Variants in HIVEP1 observed in about 807,000 individuals in gnomAD.
The protein encoded by HIVEP1 is zinc finger protein 40.
HIVEP1 carries 36 observed loss-of-function variants against 180.0 expected under a neutral mutation model. The observed-to-expected ratio is 0.20, with a 90% CI of 0.15 to 0.26. The LOEUF is 0.26. Among genes scored for constraint, HIVEP1 ranks in the 10% least tolerant of loss-of-function variants. The pLI is 1.00. For synonymous variants in HIVEP1, 1,239 were observed against 1,239.0 expected (o/e 1.00, Z 0.00); for missense variants, 3,143 against 3,268.7 (o/e 0.96, Z 0.94).
intron 2 of HIVEP1, among the ~76,000 whole-genome samples, chr6:12,081,956 C>A (rs1450882499): frequency 6.6e-6 from 1 of 152,174 alleles, no homozygotes; most frequent in Non-Finnish European, 1.5e-5. Context: ...TCATAGGAAG[C>A]TTTTTCAGTC....
At chr6:12,052,829 A>T (rs1581586769) in intron 2 of HIVEP1, among the ~76,000 whole-genome samples, 1 of 152,226 alleles carries the variant, frequency 6.6e-6, no homozygotes, top group East Asian at 1.9e-4. Flanking sequence ...AAGACTAGGT[A>T]ACCATCTGTA....
chr6:12,207,971 T>C, the HIVEP1 span, among the ~76,000 whole-genome samples: 11 of 151,620 alleles, frequency 7.3e-5, no homozygotes, highest in Non-Finnish European at 1.5e-4. Context: ...TGCTTTGAAT[T>C]CAGCTGTGTC....
downstream of HIVEP1, among the ~76,000 whole-genome samples, chr6:12,167,693 AT>A (rs1760759149): frequency 1.5e-5 from 1 of 67,832 alleles, no homozygotes; most frequent in Non-Finnish European, 3.4e-5. Flanking sequence ...TATAATATAT[AT>A]ACATATATAC....
the HIVEP1 span, among the ~76,000 whole-genome samples, chr6:12,205,240 G>A: frequency 6.6e-6 from 1 of 152,200 alleles, no homozygotes; most frequent in Admixed American, 6.5e-5. Flanking sequence ...GGGAGGCCAA[G>A]GCGGGTGGAT....
chr6:12,123,475 TC>T lies in HIVEP1; in HGVS notation c.3682del (p.Arg1228GlyfsTer62), dbSNP rs760774029. 6.2e-7 allele frequency: 1 copy of T among 1,614,088 alleles called. No homozygotes were observed. On this transcript the variant is annotated frameshift_variant, in exon 4 of 9. Transcript: ENST00000379388. LOFTEE classifies it high-confidence loss of function. ...GTGTTAGGACAGCCCTCAAGACTTG[TC>T]CGGCAGCACAACATCCAAGTTCCAG... The part of the protein sequence containing the change: ...RHVLGQPSRL[V>X]RQHNIQVPEI...
chr6:12,161,926 A>C lies in HIVEP1; in HGVS notation c.6975A>C (p.Thr2325=). Residue 2325 remains threonine (T), a synonymous_variant, in exon 8 of 9, where the codon ACA becomes ACC. Coordinates refer to ENST00000379388, the MANE Select transcript of HIVEP1 (RefSeq NM_002114.4). ...SSMAGKAVAI[T]QSPSSVRLPP... Reference sequence around the variant, plus strand: ...TGGCAGGAAAAGCTGTTGCTATAACACAGGTAAATGATTGGCAGTTGTTCT... The same window carrying C: ...TGGCAGGAAAAGCTGTTGCTATAACCCAGGTAAATGATTGGCAGTTGTTCT... 1 of 1,603,850 alleles carries C rather than the reference A, an allele frequency of 6.2e-7. No individual in the cohort carries two copies. Among genetic ancestry groups the C allele is most frequent in the Non-Finnish European group, 8.5e-7 (1 of 1,173,312 alleles).
At chr6:12,068,027 G>T (rs1225941654) in intron 2 of HIVEP1, among the ~76,000 whole-genome samples, 2 of 152,050 alleles carry the variant, frequency 1.3e-5, no homozygotes, top group African/African-American at 4.8e-5. Flanking sequence ...TGGTGAGGGG[G>T]CTGTGCTTTA....
intron 2 of HIVEP1, among the ~76,000 whole-genome samples, chr6:12,032,918 T>G (rs1367888331): frequency 6.6e-6 from 1 of 152,258 alleles, no homozygotes; most frequent in African/African-American, 2.4e-5. Context: ...ATCCAAAATT[T>G]CCCAACATTT....
chr6:12,057,272 C>T (rs1309634210), intron 2 of HIVEP1, among the ~76,000 whole-genome samples: 1 of 151,998 alleles, frequency 6.6e-6, no homozygotes, highest in Admixed American at 6.6e-5. Context: ...AAAAGTATTG[C>T]CTGTATTTTT....
upstream of HIVEP1, among the ~76,000 whole-genome samples, chr6:12,011,124 A>T (rs1767256170): frequency 6.6e-6 from 1 of 152,208 alleles, no homozygotes; most frequent in Non-Finnish European, 1.5e-5. Context: ...GTTTCAGTTC[A>T]GGGTTAACAT....
At chr6:12,117,064 A>G (rs1272904405) in intron 3 of HIVEP1, among the ~76,000 whole-genome samples, 1 of 152,212 alleles carries the variant, frequency 6.6e-6, no homozygotes, top group African/African-American at 2.4e-5. Context: ...CATAAGAGAA[A>G]AGCTTTAGAA....
At chr6:12,094,841 G>T (rs1051207072) in intron 3 of HIVEP1, among the ~76,000 whole-genome samples, 4 of 152,010 alleles carry the variant, frequency 2.6e-5, no homozygotes, top group Non-Finnish European at 5.9e-5. Context: ...CCATGGAGCT[G>T]TTTGTTTGAT....
At chr6:12,140,485 G>A (rs9369106) in intron 7 of HIVEP1, among the ~76,000 whole-genome samples, 11,683 of 152,196 alleles carry the variant, frequency 0.077, 539 homozygotes, top group Middle Eastern at 0.15. Context: ...GCAGCTCCTC[G>A]CCAGCAATGG....
rs1469730987 is a variant in HIVEP1 at position 12,124,213 on chromosome 6, C to G, written c.4418C>G (p.Ser1473Cys). The change falls in exon 4 of 9, where the codon TCT (serine) becomes TGT (cysteine). Residue 1473 changes from serine (S) to cysteine (C), a missense_variant. Physicochemically the swap from Ser to Cys is moderately radical, Grantham distance 112. This residue lies in a region of HIVEP1 where 1,357 missense variants were observed against 1,260.5 expected (regional missense o/e 1.08). Transcript: ENST00000379388. ...PYQGPQLTST[S>C]LAEFSANTLH... ...CAGGGGCCTCAGCTCACTAGTACATCTTTAGCTGAGTTTTCTGCAAATACT... is the reference window on the plus strand; with the variant it reads ...CAGGGGCCTCAGCTCACTAGTACATGTTTAGCTGAGTTTTCTGCAAATACT... 6.2e-7 allele frequency: 1 copy of G among 1,613,982 alleles called. No homozygotes were observed. Among genetic ancestry groups the G allele is most frequent in the Admixed American group, 1.7e-5 (1 of 60,028 alleles).
intron 2 of HIVEP1, among the ~76,000 whole-genome samples, chr6:12,049,614 G>A (rs1211369472): frequency 6.6e-6 from 1 of 152,158 alleles, no homozygotes; most frequent in African/African-American, 2.4e-5. Flanking sequence ...AATCAAAGAA[G>A]GTATTTTTCT....
Position 12,122,841 on chromosome 6 carries a change from G to A in HIVEP1, c.3046G>A (p.Ala1016Thr), listed in dbSNP as rs369544097. ...GCCTCAGATTCTACACTACAGAGTCGCTGGGTCCTCCGGCATCTGGGAACA... is the reference window on the plus strand; with the variant it reads ...GCCTCAGATTCTACACTACAGAGTCACTGGGTCCTCCGGCATCTGGGAACA... Reference protein sequence around the residue: ...LQPQILHYRVAGSSGIWEQTP... With the variant: ...LQPQILHYRVTGSSGIWEQTP... Residue 1016 changes from alanine (A) to threonine (T), a missense_variant, in exon 4 of 9, where the codon GCT becomes ACT. Ala to Thr is a moderately conservative substitution (Grantham distance 58). Transcript: ENST00000379388. 1.1e-4 allele frequency: 173 copies of A among 1,614,144 alleles called. No individual in the cohort carries two copies. The highest frequency in any genetic ancestry group is 8.8e-4 in the South Asian group (80 of 91,074).
chr6:12,170,453 A>G, the HIVEP1 span, among the ~76,000 whole-genome samples: 1 of 152,174 alleles, frequency 6.6e-6, no homozygotes, highest in South Asian at 2.1e-4. Context: ...AATCTTATGT[A>G]ATCATTCCAA....
At position 12,063,227 on chromosome 6, in the gene HIVEP1, A is replaced by G. The variant is rs1056482823; in HGVS notation, c.41-25957A>G. Among the ~76,000 whole-genome samples the G allele has an allele frequency of 1.3e-5, 2 of 152,196 alleles. No homozygotes were observed. The highest frequency in any genetic ancestry group is 4.8e-5 in the African/African-American group (2 of 41,446). ...ATTTCTAGCAGAGTTTTTCAACCTC[A>G]GCTCCATTTATGATTTGGCCTAGAT... On this transcript the variant is annotated intron_variant, in intron 2 of 8. Coordinates refer to ENST00000379388, the MANE Select transcript of HIVEP1 (RefSeq NM_002114.4). This position sits in a 1 kb window ranked among gnomAD's most constrained non-coding sequence, Gnocchi z 4.2.
upstream of HIVEP1, chr6:12,007,872 A>C (rs781222054): frequency 2.0e-5 from 3 of 151,882 alleles, no homozygotes; most frequent in Non-Finnish European, 4.4e-5. Context: ...TAAGCCTCTT[A>C]TATCTTTTTT....
Sources: gnomAD v4.1 joint callset for allele counts (sites outside exome capture counted in the v4.1 genomes callset) on GRCh38, gnomAD v4.1.1 for gene constraint, gnomAD v4.1.1 regional missense constraint, Gnocchi (gnomAD v3.1) non-coding constraint, MANE v1.5 for transcripts, NCBI Gene and HGNC (gene_info 2026-07-23, HGNC 2026-07-21) for gene names.